MYO7A: variants seen among roughly 807,000 people sequenced by gnomAD.
MYO7A encodes unconventional myosin-VIIa.
A neutral mutation model predicts 263.8 loss-of-function variants in MYO7A; 210 were observed. That is an observed-to-expected ratio of 0.80 (90% CI 0.71 to 0.89). The LOEUF (loss-of-function observed/expected upper bound fraction) is 0.89. Among genes scored for constraint, MYO7A ranks in the 40% least tolerant of loss-of-function variants. The pLI is 0.00. For missense variants in MYO7A, 2,820 were observed against 2,968.3 expected (o/e 0.95, Z 1.16); for synonymous variants, 1,239 against 1,197.3 (o/e 1.03, Z -0.72).
chr11:77,190,221 G>A, intron 29 of MYO7A, 82 bp downstream of exon 29: 7 of 1,308,962 alleles, frequency 5.3e-6, no homozygotes, highest in African/African-American at 1.5e-5. Flanking sequence ...CAGTGCACTC[G>A]AGTGCCCCAG....
intron 14 of MYO7A, 77 bp from the exon 15 acceptor site, chr11:77,165,979 C>T (rs918139828): frequency 2.4e-5 from 25 of 1,062,438 alleles, no homozygotes; most frequent in Non-Finnish European, 3.3e-5. Context: ...TTTGAGGGTC[C>T]TCCTGGCTCA....
intron 11 of MYO7A, 109 bp from the exon 12 acceptor site, chr11:77,160,864 C>A: frequency 7.7e-7 from 1 of 1,293,304 alleles, no homozygotes. Flanking sequence ...TTTCACACGG[C>A]ACTTTGTTCC....
chr11:77,182,990 C>A, intron 25 of MYO7A, 78 bp from the exon 26 acceptor site: 1 of 1,255,376 alleles, frequency 8.0e-7, no homozygotes, highest in Non-Finnish European at 1.1e-6. Flanking sequence ...AGACGGTTCC[C>A]CGCAAAGTCT....
Position 77,197,573 on chromosome 11 carries a change from G to A in MYO7A, c.4416G>A (p.Arg1472=). The change falls in exon 33 of 49, where the codon AGG becomes AGA. Residue 1472 remains arginine, a synonymous_variant. Coordinates refer to ENST00000409709, the MANE Select transcript of MYO7A (RefSeq NM_000260.4). ...TCAAGTGGCCCTTGCTCTTCTCCAG[G>A]TTTTATGAAGCCTACAAATTCTCAG... ...ARFKWPLLFS[R]FYEAYKFSGP... 6.2e-7 allele frequency: 1 copy of A among 1,601,334 alleles called. No homozygotes were observed. Among genetic ancestry groups the A allele is most frequent in the Non-Finnish European group, 8.5e-7 (1 of 1,173,908 alleles).
At chr11:77,163,137 C>A in intron 14 of MYO7A, 149 bp downstream of exon 14, 1 of 853,656 alleles carries the variant, frequency 1.2e-6, no homozygotes, top group Non-Finnish European at 1.7e-6. Context: ...ACTAAAATGG[C>A]CAAGTGTTGG....
intron 32 of MYO7A, among the ~76,000 whole-genome samples, chr11:77,197,046 CA>C (rs1255105617): frequency 1.3e-5 from 2 of 152,214 alleles, no homozygotes; most frequent in African/African-American, 4.8e-5. Flanking sequence ...GCTGCACTCA[CA>C]GTCCCCCAGG....
At chr11:77,208,642 G>T (rs771914899) in intron 43 of MYO7A, 55 bp from the exon 44 acceptor site, 1 of 1,507,722 alleles carries the variant, frequency 6.6e-7, no homozygotes, top group African/African-American at 1.4e-5. Context: ...GGCTCGGGAC[G>T]TGAGCACTCC....
At chr11:77,164,278 C>T (rs986069146) in intron 14 of MYO7A, among the ~76,000 whole-genome samples, 1 of 151,796 alleles carries the variant, frequency 6.6e-6, no homozygotes. Flanking sequence ...AAGGGCCAAC[C>T]ACAAATTGGC....
chr11:77,203,858 A>G, intron 38 of MYO7A, among the ~76,000 whole-genome samples: 1 of 152,078 alleles, frequency 6.6e-6, no homozygotes, highest in South Asian at 2.1e-4. Context: ...ACCATCTGGG[A>G]AGTCCATCCC....
At chr11:77,175,346 C>A in intron 17 of MYO7A, 26 bp from the exon 18 acceptor site, 1 of 1,609,934 alleles carries the variant, frequency 6.2e-7, no homozygotes, top group African/African-American at 1.3e-5. Context: ...CTGTCCATTC[C>A]CTTGTGTTCC....
chr11:77,144,428 C>T (rs183212078), intron 3 of MYO7A, among the ~76,000 whole-genome samples: 243 of 152,284 alleles, frequency 1.6e-3, no homozygotes, highest in Admixed American at 0.015. Context: ...ACTGCGTCAC[C>T]GAATCCCAAA....
intron 8 of MYO7A, 100 bp downstream of exon 8, chr11:77,157,492 G>T: frequency 1.3e-6 from 1 of 770,372 alleles, no homozygotes; most frequent in Non-Finnish European, 2.1e-6. Flanking sequence ...TGGTCACAGG[G>T]CTCAGGTGCC....
intron 23 of MYO7A, 111 bp from the exon 24 acceptor site, chr11:77,181,840 A>C: frequency 1.2e-6 from 1 of 841,694 alleles, no homozygotes; most frequent in South Asian, 1.6e-5. Flanking sequence ...GCTGGAGTGC[A>C]GTAGCGTGAT....
chr11:77,199,793 G>C lies in MYO7A; in HGVS notation c.4827G>C (p.Val1609=). ...EGLRKRSKYV[V]ALQDNPNPAG... The stretch of plus-strand genomic sequence containing the variant: ...TCCGGAAGAGATCTAAGTATGTTGT[G>C]GCCCTGCAGGATAACCCCAACCCCG... The change falls in exon 35 of 49, where the codon GTG becomes GTC. Residue 1609 remains valine, a synonymous_variant. Coordinates refer to ENST00000409709, the MANE Select transcript of MYO7A (RefSeq NM_000260.4). The C allele has an allele frequency of 1.2e-6, 2 of 1,601,706 alleles. No homozygotes were observed. The highest frequency in any genetic ancestry group is 1.7e-6 in the Non-Finnish European group (2 of 1,170,582).
intron 1 of MYO7A, among the ~76,000 whole-genome samples, chr11:77,129,273 C>T (rs116947379): frequency 3.7e-4 from 56 of 152,338 alleles, no homozygotes; most frequent in Non-Finnish European, 6.8e-4. Context: ...GAATCCACAT[C>T]TCCACCAGGC....
rs1956932841 is a variant in MYO7A at position 77,199,749 on chromosome 11, G to A, written c.4783G>A (p.Val1595Ile). The part of the protein sequence containing the change: ...SNAEDIRDLV[V>I]TFLEGLRKRS... ...TGCTGAGGACATTCGTGACCTGGTGGTCACCTTCCTAGAGGGGCTCCGGAA... is the reference window on the plus strand; with the variant it reads ...TGCTGAGGACATTCGTGACCTGGTGATCACCTTCCTAGAGGGGCTCCGGAA... The change falls in exon 35 of 49, where the codon GTC becomes ATC. Residue 1595 changes from valine (V) to isoleucine (I), a missense_variant. Physicochemically the swap from Val to Ile is conservative, Grantham distance 29. Transcript: ENST00000409709. The A allele has an allele frequency of 6.2e-7, 1 of 1,613,190 alleles. No homozygotes were observed. Among genetic ancestry groups the A allele is most frequent in the Admixed American group, 1.7e-5 (1 of 59,946 alleles).
At chr11:77,189,784 C>T (rs1955904310) in intron 28 of MYO7A, among the ~76,000 whole-genome samples, 1 of 152,188 alleles carries the variant, frequency 6.6e-6, no homozygotes, top group Admixed American at 6.5e-5. Context: ...AGGACCGACC[C>T]GACTGGCTGG....
intron 29 of MYO7A, 84 bp downstream of exon 29, chr11:77,190,223 G>A (rs1198931351): frequency 1.1e-5 from 15 of 1,311,238 alleles, no homozygotes; most frequent in Admixed American, 2.9e-5. Flanking sequence ...GTGCACTCGA[G>A]TGCCCCAGAA....
intron 2 of MYO7A, among the ~76,000 whole-genome samples, chr11:77,135,396 G>T (rs1247303182): frequency 6.6e-6 from 1 of 152,178 alleles, no homozygotes; most frequent in African/African-American, 2.4e-5. Flanking sequence ...GCATGTGTCA[G>T]AATTTCCTTC....
Sources: allele counts gnomAD v4.1 joint callset (sites outside exome capture counted in the v4.1 genomes callset), GRCh38; gene constraint gnomAD v4.1.1; transcripts MANE v1.5; gene names NCBI Gene and HGNC (gene_info 2026-07-23, HGNC 2026-07-21).